PPP2R2B: variants seen among roughly 807,000 people sequenced by gnomAD.
PPP2R2B encodes serine/threonine-protein phosphatase 2A 55 kDa regulatory subunit B beta isoform.
In PPP2R2B, 5 loss-of-function variants were observed where a neutral mutation model predicts 46.0. The ratio of observed to expected loss-of-function variants is 0.11; its 90% confidence interval spans 0.06 to 0.23. PPP2R2B has a LOEUF of 0.23. PPP2R2B is among the 10% of genes least tolerant of loss of function. The probability of loss-of-function intolerance (pLI) is 1.00; values close to 1 mark genes in which losing one functional copy is unlikely to be tolerated. For synonymous variants in PPP2R2B, 215 were observed against 206.7 expected, an observed-to-expected ratio of 1.04 and a Z score of -0.34; for missense variants, 367 against 575.0, an observed-to-expected ratio of 0.64 and a Z score of 3.70.
intron 1 of PPP2R2B, among the ~76,000 whole-genome samples, chr5:147,015,093 C>A (rs1754938140): frequency 6.6e-6 from 1 of 151,966 alleles, no homozygotes; most frequent in Non-Finnish European, 1.5e-5. Context: ...AGAAGAACTC[C>A]AAGAGGGCAG....
intron 5 of PPP2R2B, chr5:146,656,792 C>T (rs980154656): frequency 6.6e-6 from 1 of 152,290 alleles, no homozygotes; most frequent in African/African-American, 2.4e-5. Context: ...ACCACCTTCA[C>T]TGTGCGGGTG....
chr5:146,897,158 T>C (rs319173), intron 1 of PPP2R2B, among the ~76,000 whole-genome samples: 74,057 of 151,930 alleles, frequency 0.49, 19,847 homozygotes, highest in East Asian at 0.7. Context: ...GACAGGTAAG[T>C]GGAGGAATGA....
chr5:146,592,063 TA>T (rs1770714860), intron 9 of PPP2R2B: 1 of 422,188 alleles, frequency 2.4e-6, no homozygotes, highest in Non-Finnish European at 4.7e-6. Context: ...AAATAAATAA[TA>T]AAATGAGAGG....
At chr5:146,778,120 T>C (rs188939834) in intron 2 of PPP2R2B, among the ~76,000 whole-genome samples, 1 of 152,260 alleles carries the variant, frequency 6.6e-6, no homozygotes, top group East Asian at 1.9e-4. Context: ...CCAGAGGCAA[T>C]GGAAAATGGC....
At chr5:146,937,039 C>T (rs319147) in intron 1 of PPP2R2B, among the ~76,000 whole-genome samples, 33,510 of 151,986 alleles carry the variant, frequency 0.22, 3,960 homozygotes, top group East Asian at 0.38. Flanking sequence ...TGGTTGCTCA[C>T]GTCTGTAATC....
At chr5:146,910,552 A>T (rs534327575) in intron 1 of PPP2R2B, among the ~76,000 whole-genome samples, 1 of 152,314 alleles carries the variant, frequency 6.6e-6, no homozygotes, top group Admixed American at 6.5e-5. Context: ...TAGTTGCCTC[A>T]TCTGCAAAAG....
At chr5:146,670,187 A>C (rs1252813937) in intron 5 of PPP2R2B, among the ~76,000 whole-genome samples, 1 of 152,212 alleles carries the variant, frequency 6.6e-6, no homozygotes, top group African/African-American at 2.4e-5. Flanking sequence ...ACAAATATTC[A>C]ACAAATGTTT....
intron 1 of PPP2R2B, among the ~76,000 whole-genome samples, chr5:146,922,786 G>C (rs918571816): frequency 1.3e-5 from 2 of 152,084 alleles, no homozygotes; most frequent in African/African-American, 4.8e-5. Context: ...GCAGTGATCA[G>C]TTAAAATCAG....
chr5:147,037,090 C>A (rs1756074056), intron 1 of PPP2R2B, among the ~76,000 whole-genome samples: 1 of 152,048 alleles, frequency 6.6e-6, no homozygotes, highest in Admixed American at 6.6e-5. Context: ...CACAGGGAAC[C>A]CAGGCAGTCT....
chr5:146,593,136 T>A lies in PPP2R2B; in HGVS notation c.961-74A>T. On this transcript the variant is annotated intron_variant, in intron 8 of 9. Coordinates refer to ENST00000394411, the MANE Select transcript of PPP2R2B (RefSeq NM_181675.4). ...TTATTTCTGCAAACACCTCCTCTTC[T>A]GATGTGAGCTGTTAAATCTTTCATT... 9 of 1,190,296 alleles carry A rather than the reference T, an allele frequency of 7.6e-6. No homozygotes were observed. In the South Asian group the frequency reaches 1.1e-4, roughly 15 times the overall value. 73.7% of individuals were successfully genotyped at this position (1,190,296 alleles called of 1,614,324 possible).
At chr5:146,906,210 A>G (rs2963074) in intron 1 of PPP2R2B, among the ~76,000 whole-genome samples, 18,605 of 152,118 alleles carry the variant, frequency 0.12, 1,467 homozygotes, top group East Asian at 0.33. Context: ...ATATATTCTT[A>G]TATTGATTCC....
At chr5:146,923,107 C>T (rs935889618) in intron 1 of PPP2R2B, among the ~76,000 whole-genome samples, 5 of 152,218 alleles carry the variant, frequency 3.3e-5, no homozygotes, top group African/African-American at 1.2e-4. Context: ...TTTTCCGCTA[C>T]ATGAGAGTCT....
chr5:146,629,929 T>A (rs568077331), intron 7 of PPP2R2B, among the ~76,000 whole-genome samples: 2 of 152,162 alleles, frequency 1.3e-5, no homozygotes, highest in Non-Finnish European at 1.5e-5. Flanking sequence ...TTCTCCTACC[T>A]CAGCCTCCTG....
chr5:146,634,888 A>T (rs1774703056), intron 7 of PPP2R2B, among the ~76,000 whole-genome samples: 1 of 152,200 alleles, frequency 6.6e-6, no homozygotes, highest in Admixed American at 6.5e-5. Context: ...CCAGAGTCTG[A>T]TACAGTACCT....
chr5:146,887,495 C>T (rs1046500183), intron 1 of PPP2R2B, among the ~76,000 whole-genome samples: 3 of 151,990 alleles, frequency 2.0e-5, no homozygotes, highest in African/African-American at 7.3e-5. Context: ...TACAGACATA[C>T]CTATATATAT....
intron 2 of PPP2R2B, among the ~76,000 whole-genome samples, chr5:146,798,518 C>A (rs919179048): frequency 1.3e-5 from 2 of 152,180 alleles, no homozygotes; most frequent in African/African-American, 4.8e-5. Flanking sequence ...AGAGCAGGAG[C>A]TTAAATTATT....
intron 1 of PPP2R2B, among the ~76,000 whole-genome samples, chr5:146,907,309 C>CAA (rs1468944243): frequency 4.6e-5 from 7 of 152,104 alleles, no homozygotes; most frequent in Non-Finnish European, 5.9e-5. Context: ...GTATTTTAAG[C>CAA]CATCTATGTG....
intron 1 of PPP2R2B, among the ~76,000 whole-genome samples, chr5:147,044,840 C>A (rs1243923770): frequency 6.6e-6 from 1 of 152,156 alleles, no homozygotes; most frequent in Non-Finnish European, 1.5e-5. Flanking sequence ...CTATATCTTG[C>A]TGAATAAACA....
At chr5:146,966,118 C>T (rs1752391511) in intron 1 of PPP2R2B, among the ~76,000 whole-genome samples, 1 of 152,210 alleles carries the variant, frequency 6.6e-6, no homozygotes, top group Non-Finnish European at 1.5e-5. Context: ...ATCCTGTACA[C>T]CCATTAGAAA....
Sources: gnomAD v4.1 joint callset for allele counts (sites outside exome capture counted in the v4.1 genomes callset) on GRCh38, gnomAD v4.1.1 for gene constraint, MANE v1.5 for transcripts, NCBI Gene and HGNC (gene_info 2026-07-23, HGNC 2026-07-21) for gene names.